The following MYO16 variants were observed in gnomAD, a reference collection of about 807,000 sequenced individuals.
MYO16 encodes unconventional myosin-XVI.
MYO16 carries 94 observed loss-of-function variants against 205.3 expected under a neutral mutation model. That is an observed-to-expected ratio of 0.46 (90% confidence interval 0.39 to 0.54). The LOEUF (loss-of-function observed/expected upper bound fraction) is 0.54, where lower values mean the gene tolerates loss of function less well. Ranked by LOEUF, MYO16 falls within the 20% of genes least tolerant of loss-of-function variation. MYO16 has a pLI of 0.00. For missense variants in MYO16, 2,315 were observed against 2,387.5 expected (o/e 0.97, Z 0.63); for synonymous variants, 988 against 954.0 (o/e 1.04, Z -0.66).
At chr13:108,510,577 C>T in the MYO16 span, among the ~76,000 whole-genome samples, 2 of 85,882 alleles carry the variant, frequency 2.3e-5, no homozygotes, top group Admixed American at 1.3e-4. Flanking sequence ...CACCCACTAA[C>T]GTGTCATCTA....
At chr13:109,143,383 C>T (rs1877191513) in intron 32 of MYO16, among the ~76,000 whole-genome samples, 1 of 152,058 alleles carries the variant, frequency 6.6e-6, no homozygotes, top group African/African-American at 2.4e-5. Context: ...AATTATAGGC[C>T]ATTAATAAAT....
At chr13:108,855,276 G>GTTTTTTTT (rs5806761) in intron 10 of MYO16, 167 bp from the exon 11 acceptor site, 3 of 316,116 alleles carry the variant, frequency 9.5e-6, no homozygotes, top group Non-Finnish European at 1.2e-5. Flanking sequence ...TGGCTTTAGA[G>GTTTTTTTT]TTTTTTTTTT....
At chr13:108,983,282 T>G (rs1884512060) in intron 20 of MYO16, among the ~76,000 whole-genome samples, 1 of 152,150 alleles carries the variant, frequency 6.6e-6, no homozygotes, top group South Asian at 2.1e-4. Flanking sequence ...CCAATGCATT[T>G]CTCCATCTGA....
intron 27 of MYO16, among the ~76,000 whole-genome samples, chr13:109,062,314 T>A (rs7339229): frequency 0.084 from 12,814 of 152,214 alleles, 584 homozygotes; most frequent in African/African-American, 0.11. Context: ...TGTCGGTGTT[T>A]AACAAATGTT....
intron 11 of MYO16, among the ~76,000 whole-genome samples, chr13:108,858,147 G>A (rs1878282639): frequency 6.6e-6 from 1 of 152,186 alleles, no homozygotes. Context: ...TGACCAGTGT[G>A]TAGTGAAAAT....
chr13:109,082,817 G>A (rs1167053105), intron 27 of MYO16, among the ~76,000 whole-genome samples: 1 of 151,840 alleles, frequency 6.6e-6, no homozygotes, highest in Non-Finnish European at 1.5e-5. Flanking sequence ...AGAAAAAAAA[G>A]CAGGTACCAA....
At chr13:108,531,868 A>T in the MYO16 span, among the ~76,000 whole-genome samples, 6 of 152,300 alleles carry the variant, frequency 3.9e-5, no homozygotes, top group East Asian at 1.2e-3. Flanking sequence ...TAACAGCACA[A>T]TTAGGCCAGA....
intron 4 of MYO16, among the ~76,000 whole-genome samples, chr13:108,739,066 A>G (rs1884808334): frequency 6.6e-6 from 1 of 152,188 alleles, no homozygotes; most frequent in Non-Finnish European, 1.5e-5. Flanking sequence ...TATACAGCAC[A>G]CTGATGGGTC....
the MYO16 span, among the ~76,000 whole-genome samples, chr13:108,527,898 G>A: frequency 6.6e-6 from 1 of 152,204 alleles, no homozygotes; most frequent in South Asian, 2.1e-4. Flanking sequence ...GAAAGTGAGG[G>A]TGTTAGTTTT....
chr13:108,608,311 T>C (rs1174706788), intron 1 of MYO16, among the ~76,000 whole-genome samples: 2 of 152,158 alleles, frequency 1.3e-5, no homozygotes, highest in African/African-American at 2.4e-5. Flanking sequence ...TGTGGGTGTT[T>C]TCTTGGTTCC....
intron 7 of MYO16, among the ~76,000 whole-genome samples, chr13:108,808,266 T>C (rs987592108): frequency 6.6e-6 from 1 of 151,030 alleles, no homozygotes; most frequent in Non-Finnish European, 1.5e-5. Context: ...CAGAGGCCCA[T>C]AAGAAACCTA....
intron 1 of MYO16, among the ~76,000 whole-genome samples, chr13:108,661,057 G>A (rs190322371): frequency 1.3e-5 from 2 of 152,200 alleles, no homozygotes; most frequent in Admixed American, 6.5e-5. Flanking sequence ...GGTTTCTCTG[G>A]ATACAAAATT....
chr13:108,990,719 G>A (rs547160964), intron 20 of MYO16, among the ~76,000 whole-genome samples: 33 of 151,774 alleles, frequency 2.2e-4, no homozygotes, highest in Admixed American at 8.5e-4. Context: ...AAATTTGTAC[G>A]AAGGCTTTTA....
intron 2 of MYO16, among the ~76,000 whole-genome samples, chr13:108,689,239 G>C (rs919391944): frequency 6.6e-6 from 1 of 152,006 alleles, no homozygotes; most frequent in African/African-American, 2.4e-5. Flanking sequence ...GAAATAGTTT[G>C]TATTTTGAAT....
intron 29 of MYO16, among the ~76,000 whole-genome samples, chr13:109,122,549 A>C (rs537980961): frequency 4.1e-4 from 62 of 152,140 alleles, no homozygotes; most frequent in African/African-American, 1.4e-3. Context: ...ATGGTAGCGC[A>C]TGCCTGTAAT....
At chr13:108,667,320 G>GTTTTGT (rs1555336997) in intron 2 of MYO16, among the ~76,000 whole-genome samples, 2 of 128,538 alleles carry the variant, frequency 1.6e-5, no homozygotes, top group African/African-American at 5.7e-5. Flanking sequence ...TTTCTGTTTT[G>GTTTTGT]TTTTTTTTTT....
At chr13:108,961,692 T>G (rs555599142) in intron 18 of MYO16, 36 bp downstream of exon 18, 1 of 1,516,876 alleles carries the variant, frequency 6.6e-7, no homozygotes, top group Non-Finnish European at 9.2e-7. Flanking sequence ...TTAACCACAT[T>G]GATGTGCAAT....
chr13:108,853,942 G>C (rs1365337165), intron 10 of MYO16, among the ~76,000 whole-genome samples: 2 of 107,208 alleles, frequency 1.9e-5, no homozygotes, highest in Admixed American at 2.0e-4. Flanking sequence ...TACTCAATTT[G>C]TGTTTCTATT....
chr13:108,708,750 T>C (rs1883611580), intron 2 of MYO16, among the ~76,000 whole-genome samples: 1 of 152,170 alleles, frequency 6.6e-6, no homozygotes, highest in Non-Finnish European at 1.5e-5. Flanking sequence ...ATGTCCACAC[T>C]AGCTAATGGG....
Sources: gnomAD v4.1 joint callset for allele counts (sites outside exome capture counted in the v4.1 genomes callset) on GRCh38, gnomAD v4.1.1 for gene constraint, MANE v1.5 for transcripts, NCBI Gene and HGNC (gene_info 2026-07-23, HGNC 2026-07-21) for gene names.